The following NCALD variants were observed in gnomAD, a reference collection of about 807,000 sequenced individuals.
NCALD encodes the protein neurocalcin delta.
Under a neutral mutation model 18.6 loss-of-function variants are expected in NCALD, and 10 were observed. The observed-to-expected ratio is 0.54, with a 90% CI of 0.33 to 0.91. The LOEUF (loss-of-function observed/expected upper bound fraction) is 0.91, where lower values mean the gene tolerates loss of function less well. NCALD is among the 40% of genes least tolerant of loss of function. NCALD has a pLI of 0.03. For synonymous variants in NCALD, 88 were observed against 87.4 expected (o/e 1.01, Z -0.04); for missense variants, 184 against 247.6 (o/e 0.74, Z 1.72).
At chr8:101,894,689 A>C (rs1383223372) in intron 3 of NCALD, among the ~76,000 whole-genome samples, 2 of 151,210 alleles carry the variant, frequency 1.3e-5, no homozygotes, top group Non-Finnish European at 2.9e-5. Flanking sequence ...GTATCACCAC[A>C]GATCCCACAG....
chr8:101,706,790 G>C (rs1586257270), intron 2 of NCALD, among the ~76,000 whole-genome samples: 1 of 152,208 alleles, frequency 6.6e-6, no homozygotes, highest in Non-Finnish European at 1.5e-5. Flanking sequence ...TTGCCAATAA[G>C]CACGAGAAGC....
chr8:101,765,059 G>A lies in NCALD; in HGVS notation c.-20+25803C>T, dbSNP rs138889341. 3.7e-3 allele frequency among the ~76,000 whole-genome samples: 559 copies of A among 152,248 alleles called. 2 individuals carry two copies. Among genetic ancestry groups the A allele is most frequent in the African/African-American group, 0.012 (517 of 41,522 alleles). The stretch of plus-strand genomic sequence containing the variant: ...ATCAGTATGTAGGAAGCTCCTAATC[G>A]TATAGAGCAGTATGCAAAGAGATTT... On this transcript the variant is annotated intron_variant, in intron 1 of 3. Coordinates refer to ENST00000220931, the MANE Select transcript of NCALD (RefSeq NM_032041.3).
At chr8:102,041,844 CAATT>C (rs1226508839) in intron 1 of NCALD, among the ~76,000 whole-genome samples, 1 of 151,974 alleles carries the variant, frequency 6.6e-6, no homozygotes, top group Non-Finnish European at 1.5e-5. Flanking sequence ...TGCTAGCACT[CAATT>C]AATGATCTTG....
chr8:101,784,785 T>C (rs1210475973), intron 1 of NCALD, among the ~76,000 whole-genome samples: 3 of 152,014 alleles, frequency 2.0e-5, no homozygotes, highest in African/African-American at 7.2e-5. Flanking sequence ...GGCAACAGAG[T>C]GAGAACCCAT....
At chr8:101,958,802 T>C (rs763015779) in intron 2 of NCALD, among the ~76,000 whole-genome samples, 11 of 152,184 alleles carry the variant, frequency 7.2e-5, no homozygotes, top group Non-Finnish European at 4.4e-5. Context: ...CTGGACAGTA[T>C]ATGAATGATG....
At chr8:101,848,735 A>T (rs478875) in intron 4 of NCALD, among the ~76,000 whole-genome samples, 2,841 of 152,114 alleles carry the variant, frequency 0.019, 100 homozygotes, top group African/African-American at 0.062. Flanking sequence ...GTATCTAGTA[A>T]TAACAGAGAA....
At chr8:101,770,016 C>G (rs1811517713) in intron 1 of NCALD, among the ~76,000 whole-genome samples, 1 of 152,116 alleles carries the variant, frequency 6.6e-6, no homozygotes. Context: ...TTTTGTTGTT[C>G]TTGGCATTGA....
intron 4 of NCALD, among the ~76,000 whole-genome samples, chr8:101,839,005 G>C (rs993930089): frequency 1.3e-5 from 2 of 152,194 alleles, no homozygotes; most frequent in Admixed American, 6.5e-5. Context: ...CTTCTCTTCT[G>C]CTGATAAAGA....
chr8:101,844,405 G>T (rs1363423868), intron 4 of NCALD, among the ~76,000 whole-genome samples: 3 of 151,072 alleles, frequency 2.0e-5, no homozygotes, highest in African/African-American at 7.3e-5. Flanking sequence ...CTTTGATACA[G>T]GCTGGAGTGC....
At chr8:102,050,291 G>A (rs1213571304) in intron 1 of NCALD, among the ~76,000 whole-genome samples, 10 of 149,788 alleles carry the variant, frequency 6.7e-5, no homozygotes, top group Non-Finnish European at 1.3e-4. Context: ...ATTTCTTCAA[G>A]TCTGTAACTT....
At chr8:102,053,088 T>C (rs2132228732) in intron 1 of NCALD, among the ~76,000 whole-genome samples, 1 of 152,288 alleles carries the variant, frequency 6.6e-6, no homozygotes, top group Middle Eastern at 3.4e-3. Context: ...GAGTGAACTG[T>C]AGAATCCCAC....
chr8:101,788,383 C>T lies in NCALD; in HGVS notation c.-20+2479G>A, dbSNP rs145343000. On this transcript the variant is annotated intron_variant, in intron 1 of 3. Transcript: ENST00000220931. The stretch of plus-strand genomic sequence containing the variant: ...AAATGTAGGCCACAAGCCACAGCAC[C>T]TGTGATATTGTTGCCAAGAGAAATC... 7.4e-3 allele frequency among the ~76,000 whole-genome samples: 1,120 copies of T among 152,314 alleles called. 8 individuals are homozygous for T. Among genetic ancestry groups the T allele is most frequent in the Middle Eastern group, 0.041 (12 of 294 alleles).
chr8:101,826,480 A>G (rs1337172738), intron 4 of NCALD, among the ~76,000 whole-genome samples: 3 of 152,242 alleles, frequency 2.0e-5, no homozygotes, highest in African/African-American at 7.2e-5. Context: ...GTCACATTTA[A>G]CTAGGTTTTT....
In NCALD at chr8:101,874,860, T is replaced by A. The variant is rs554985977; in HGVS notation, c.-20+12281A>T. Among the ~76,000 whole-genome samples, 21 of 152,052 alleles carry A rather than the reference T, an allele frequency of 1.4e-4. No homozygotes were observed. In the South Asian group the frequency reaches 4.4e-3, roughly 32 times the overall value. ...CAATTTTTAACTCCTCTCCTCTTCCTAAGTAGAACAGGAGGGAGGGGTATA... is the reference window on the plus strand; with the variant it reads ...CAATTTTTAACTCCTCTCCTCTTCCAAAGTAGAACAGGAGGGAGGGGTATA... On this transcript the variant is annotated intron_variant, in intron 4 of 6. Transcript: ENST00000311028.
intron 2 of NCALD, among the ~76,000 whole-genome samples, chr8:101,701,372 G>A (rs1363217363): frequency 6.6e-6 from 1 of 152,144 alleles, no homozygotes; most frequent in East Asian, 1.9e-4. Context: ...TCAATGAGAG[G>A]TCTAGCAGGG....
chr8:102,060,369 A>G (rs1586998703), intron 1 of NCALD, among the ~76,000 whole-genome samples: 1 of 152,108 alleles, frequency 6.6e-6, no homozygotes, highest in African/African-American at 2.4e-5. Flanking sequence ...GGCATAGATC[A>G]CCCTGGATCT....
intron 4 of NCALD, among the ~76,000 whole-genome samples, chr8:101,819,338 T>G (rs946502649): frequency 6.6e-6 from 1 of 151,750 alleles, no homozygotes; most frequent in Non-Finnish European, 1.5e-5. Context: ...AATAGTAGCT[T>G]AACATCATTT....
intron 1 of NCALD, among the ~76,000 whole-genome samples, chr8:101,738,881 ATCT>A (rs947386101): frequency 2.0e-5 from 3 of 152,190 alleles, no homozygotes; most frequent in East Asian, 1.9e-4. Context: ...CACCTTCATC[ATCT>A]TCATCATCAT....
intron 2 of NCALD, among the ~76,000 whole-genome samples, chr8:102,005,904 T>A (rs1045310341): frequency 2.7e-5 from 4 of 150,216 alleles, no homozygotes; most frequent in South Asian, 2.1e-4. Flanking sequence ...GGGGGAGGGA[T>A]AGCATTAGGA....
Sources: gnomAD v4.1 joint callset for allele counts (sites outside exome capture counted in the v4.1 genomes callset) on GRCh38, gnomAD v4.1.1 for gene constraint, MANE v1.5 for transcripts, NCBI Gene and HGNC (gene_info 2026-07-23, HGNC 2026-07-21) for gene names.